The following SHB variants were observed in gnomAD, a reference collection of about 807,000 sequenced individuals.
SHB encodes the protein SH2 domain containing adaptor protein B.
SHB carries 20 observed loss-of-function variants against 52.3 expected under a neutral mutation model. That is an observed-to-expected ratio of 0.38 (90% CI 0.27 to 0.56). SHB has a LOEUF of 0.56. Ranked by LOEUF, SHB falls within the 20% of genes least tolerant of loss-of-function variation. The pLI is 0.71. For missense variants in SHB, 825 were observed against 723.3 expected, an observed-to-expected ratio of 1.14 and a Z score of -1.61; for synonymous variants, 397 against 316.5, an observed-to-expected ratio of 1.25 and a Z score of -2.70.
intron 2 of SHB, among the ~76,000 whole-genome samples, chr9:38,005,442 C>T (rs898723422): frequency 6.6e-6 from 1 of 152,186 alleles, no homozygotes; most frequent in Non-Finnish European, 1.5e-5. Flanking sequence ...GAGCACTGAA[C>T]CTGAGGCACC....
chr9:38,032,094 T>C (rs954588943), intron 1 of SHB, among the ~76,000 whole-genome samples: 9 of 152,046 alleles, frequency 5.9e-5, no homozygotes, highest in African/African-American at 2.2e-4. Flanking sequence ...GACCAGACCC[T>C]CCAAGCGCCT....
chr9:37,983,088 G>A (rs1420640419), intron 2 of SHB, among the ~76,000 whole-genome samples: 3 of 152,078 alleles, frequency 2.0e-5, no homozygotes, highest in African/African-American at 7.2e-5. Flanking sequence ...TGCAGTCCTG[G>A]CCTTCATGAA....
At chr9:37,977,851 G>A (rs1350351099) in intron 2 of SHB, among the ~76,000 whole-genome samples, 3 of 152,138 alleles carry the variant, frequency 2.0e-5, no homozygotes, top group African/African-American at 7.2e-5. Context: ...CACAAAAGCA[G>A]GACCAGCAAC....
At chr9:37,928,148 G>A (rs1350675519) in intron 5 of SHB, among the ~76,000 whole-genome samples, 1 of 152,190 alleles carries the variant, frequency 6.6e-6, no homozygotes, top group Non-Finnish European at 1.5e-5. Context: ...AAAGCTGGAG[G>A]GGATCCCTTC....
chr9:37,976,447 A>G (rs1003263714), intron 2 of SHB, among the ~76,000 whole-genome samples: 1 of 152,100 alleles, frequency 6.6e-6, no homozygotes, highest in African/African-American at 2.4e-5. Flanking sequence ...ATCTTCCCAA[A>G]CTGAAACCCT....
In SHB at chr9:37,917,953, G is replaced by C. The variant is rs972918370; in HGVS notation, c.*1868C>G. Among the ~76,000 whole-genome samples, 5 of 152,218 alleles carry C rather than the reference G, an allele frequency of 3.3e-5. No homozygotes were observed. Among genetic ancestry groups the C allele is most frequent in the African/African-American group, 1.2e-4 (5 of 41,462 alleles). On this transcript the variant is annotated 3_prime_UTR_variant, in exon 6 of 6. Coordinates refer to ENST00000377707, the MANE Select transcript of SHB (RefSeq NM_003028.3). ...TGCACAAACCGCTGAAGTCCACGCA[G>C]CTACCTAAAGGGGCAGGGCTCAGTC...
chr9:38,060,168 TTTATTA>T (rs944827006), intron 1 of SHB, among the ~76,000 whole-genome samples: 8 of 152,104 alleles, frequency 5.3e-5, no homozygotes, highest in African/African-American at 1.4e-4. Context: ...GCTGTCTGAC[TTTATTA>T]TTATTATTAT....
At chr9:37,965,854 T>C (rs930212312) in intron 3 of SHB, among the ~76,000 whole-genome samples, 1 of 152,154 alleles carries the variant, frequency 6.6e-6, no homozygotes, top group African/African-American at 2.4e-5. Context: ...GTGGGGGCGG[T>C]ACTATGCACT....
intron 2 of SHB, among the ~76,000 whole-genome samples, chr9:37,989,333 G>A (rs1011278273): frequency 7.2e-5 from 11 of 152,058 alleles, no homozygotes; most frequent in African/African-American, 2.2e-4. Context: ...CCCAAAGAAC[G>A]AGGCATGCAG....
At chr9:37,958,103 T>C (rs1387570329) in intron 3 of SHB, among the ~76,000 whole-genome samples, 1 of 152,148 alleles carries the variant, frequency 6.6e-6, no homozygotes, top group Admixed American at 6.5e-5. Context: ...AAGGGGTGTA[T>C]GGGAACACTC....
At chr9:37,922,207 T>C (rs1832189960) in intron 5 of SHB, among the ~76,000 whole-genome samples, 1 of 152,198 alleles carries the variant, frequency 6.6e-6, no homozygotes, top group Non-Finnish European at 1.5e-5. Context: ...TGTGCAGGTA[T>C]GAAGCTGCAG....
intron 1 of SHB, among the ~76,000 whole-genome samples, chr9:38,017,819 G>A (rs755305360): frequency 2.6e-5 from 4 of 152,250 alleles, no homozygotes; most frequent in Middle Eastern, 3.2e-3. Context: ...AGGGAAAGAA[G>A]GGGTGGGAGA....
At chr9:37,969,738 T>C (rs184248667) in intron 3 of SHB, among the ~76,000 whole-genome samples, 8 of 152,304 alleles carry the variant, frequency 5.3e-5, no homozygotes, top group Non-Finnish European at 1.2e-4. Context: ...CATCTTGCAA[T>C]CTGTGCCACA....
chr9:38,035,437 G>C (rs1821473042), intron 1 of SHB, among the ~76,000 whole-genome samples: 2 of 151,914 alleles, frequency 1.3e-5, no homozygotes, highest in Admixed American at 1.3e-4. Context: ...ATAGGACTGG[G>C]GATAGGGGAG....
intron 1 of SHB, among the ~76,000 whole-genome samples, chr9:38,037,070 G>A (rs1449184370): frequency 6.6e-6 from 1 of 152,212 alleles, no homozygotes; most frequent in Non-Finnish European, 1.5e-5. Flanking sequence ...GGGAGCTGGG[G>A]TAAAAGCAGT....
intron 1 of SHB, among the ~76,000 whole-genome samples, chr9:38,036,063 G>A (rs1387553793): frequency 6.6e-6 from 1 of 152,180 alleles, no homozygotes; most frequent in Non-Finnish European, 1.5e-5. Context: ...TGAGTCAAGA[G>A]GCAAAGAATC....
intron 5 of SHB, among the ~76,000 whole-genome samples, chr9:37,927,246 A>G (rs949628224): frequency 6.6e-6 from 1 of 152,188 alleles, no homozygotes; most frequent in Non-Finnish European, 1.5e-5. Context: ...AGCTGGGATA[A>G]AGGAGCTTAG....
At chr9:37,938,712 A>C (rs1302806313) in intron 5 of SHB, among the ~76,000 whole-genome samples, 1 of 152,174 alleles carries the variant, frequency 6.6e-6, no homozygotes, top group Non-Finnish European at 1.5e-5. Context: ...AGCTCCGGTA[A>C]AACAAAGGGC....
chr9:37,975,943 C>A (rs915048301), intron 2 of SHB, among the ~76,000 whole-genome samples: 2 of 152,176 alleles, frequency 1.3e-5, no homozygotes, highest in Non-Finnish European at 2.9e-5. Context: ...AGGACCAGGG[C>A]AAGCCAATGC....
Sources: allele counts gnomAD v4.1 joint callset (sites outside exome capture counted in the v4.1 genomes callset), GRCh38; gene constraint gnomAD v4.1.1; transcripts MANE v1.5; gene names NCBI Gene and HGNC (gene_info 2026-07-23, HGNC 2026-07-21).